REPS1: variants seen among roughly 807,000 people sequenced by gnomAD.
REPS1 encodes RALBP1 associated Eps domain containing 1.
In REPS1, 39 loss-of-function variants were observed where a neutral mutation model predicts 100.9. The observed-to-expected ratio is 0.39, with a 90% CI of 0.30 to 0.50. REPS1 has a LOEUF of 0.50. Among genes scored for constraint, REPS1 ranks in the 20% least tolerant of loss-of-function variants. The pLI is 0.86. For missense variants in REPS1, 821 were observed against 968.5 expected (o/e 0.85, Z 2.02); for synonymous variants, 324 against 340.3 (o/e 0.95, Z 0.53).
intron 17 of REPS1, among the ~76,000 whole-genome samples, chr6:138,910,139 C>T (rs1422274905): frequency 6.6e-6 from 1 of 152,082 alleles, no homozygotes; most frequent in African/African-American, 2.4e-5. Flanking sequence ...TGGCTTGGTG[C>T]CCTTCTCACA....
At chr6:138,951,381 T>G (rs1031990948) in intron 1 of REPS1, among the ~76,000 whole-genome samples, 1 of 152,134 alleles carries the variant, frequency 6.6e-6, no homozygotes, top group African/African-American at 2.4e-5. Context: ...CAATAAGATA[T>G]AAGAGATTAA....
chr6:138,912,554 T>G, intron 16 of REPS1: 1 of 571,624 alleles, frequency 1.7e-6, no homozygotes, highest in Admixed American at 3.1e-5. Context: ...TCTTTGCATG[T>G]GATATCAATC....
At chr6:138,952,421 C>T (rs926863749) in intron 1 of REPS1, among the ~76,000 whole-genome samples, 4 of 150,238 alleles carry the variant, frequency 2.7e-5, no homozygotes, top group East Asian at 2.0e-4. Flanking sequence ...TCCTCTGAGA[C>T]AGAGTCCTGC....
At chr6:138,979,187 AAAAAAAAAAAC>A (rs892997408) in intron 1 of REPS1, among the ~76,000 whole-genome samples, 6 of 147,664 alleles carry the variant, frequency 4.1e-5, no homozygotes, top group Non-Finnish European at 7.4e-5. Flanking sequence ...TCACAAAAAA[AAAAAAAAAAAC>A]AAAAAAAAAA....
intron 8 of REPS1, among the ~76,000 whole-genome samples, chr6:138,935,298 T>A (rs1273644620): frequency 2.0e-5 from 3 of 152,216 alleles, no homozygotes; most frequent in Non-Finnish European, 2.9e-5. Context: ...CTTATTAAAC[T>A]GAACTTGCTG....
rs1331241378 is a variant in REPS1 at position 138,921,984 on chromosome 6, T to G, written c.1339-860A>C. Among the ~76,000 whole-genome samples the G allele has an allele frequency of 2.4e-5, 3 of 127,370 alleles. No individual in the cohort carries two copies. In the East Asian group the frequency reaches 9.2e-4, roughly 39 times the overall value. The allele number at this position is 127,370 out of a possible 152,430, so 83.6% of individuals were successfully genotyped here. On this transcript the variant is annotated intron_variant, in intron 10 of 19. Transcript: ENST00000450536. ...TAGACCACATCTCAAAAAGTGTGTGTGTGTGTGTGTGTGTGTGTGTGAGAT... is the reference window on the plus strand; with the variant it reads ...TAGACCACATCTCAAAAAGTGTGTGGGTGTGTGTGTGTGTGTGTGTGAGAT...
intron 1 of REPS1, among the ~76,000 whole-genome samples, chr6:138,962,594 T>C (rs997229419): frequency 2.0e-5 from 3 of 152,130 alleles, no homozygotes; most frequent in African/African-American, 7.2e-5. Flanking sequence ...AATACAAGAA[T>C]TCTAAAATAC....
chr6:138,936,984 G>C (rs1781890037), intron 8 of REPS1, among the ~76,000 whole-genome samples: 1 of 152,154 alleles, frequency 6.6e-6, no homozygotes, highest in East Asian at 1.9e-4. Flanking sequence ...ATTTACAAAA[G>C]AAAGAGGTTT....
At chr6:138,941,679 A>G (rs77839337) in intron 7 of REPS1, among the ~76,000 whole-genome samples, 190 bp from the exon 8 acceptor site, 205 of 152,346 alleles carry the variant, frequency 1.3e-3, no homozygotes, top group African/African-American at 4.6e-3. Context: ...AGGTGGTAGT[A>G]TATGAATGCT....
chr6:138,967,211 GC>G (rs1429485492), intron 1 of REPS1, among the ~76,000 whole-genome samples: 14 of 152,162 alleles, frequency 9.2e-5, no homozygotes, highest in Non-Finnish European at 1.6e-4. Context: ...GGACTTCCCA[GC>G]CCCCAGAACT....
intron 1 of REPS1, among the ~76,000 whole-genome samples, chr6:138,962,854 G>T (rs1582833041): frequency 4.6e-5 from 7 of 152,266 alleles, no homozygotes; most frequent in South Asian, 2.1e-4. Flanking sequence ...ATATATATTT[G>T]TTGGTTGGAT....
chr6:138,969,289 T>C (rs1165731412), intron 1 of REPS1, among the ~76,000 whole-genome samples: 1 of 134,368 alleles, frequency 7.4e-6, no homozygotes. Context: ...TTTTTTTTTT[T>C]TTTTTTTTGA....
intron 10 of REPS1, among the ~76,000 whole-genome samples, chr6:138,922,052 A>G (rs978449350): frequency 6.6e-6 from 1 of 152,068 alleles, no homozygotes; most frequent in Non-Finnish European, 1.5e-5. Context: ...GTTCAAGACA[A>G]TATTAAAAAG....
At chr6:138,916,319 C>T (rs544088192) in intron 13 of REPS1, 1 of 218,990 alleles carries the variant, frequency 4.6e-6, no homozygotes, top group South Asian at 5.8e-5. Context: ...CTCCTGGGTT[C>T]AAGCGATTCT....
At chr6:138,914,610 C>A in intron 15 of REPS1, 87 bp downstream of exon 15, 1 of 1,055,028 alleles carries the variant, frequency 9.5e-7, no homozygotes. Flanking sequence ...TCATTCCTGA[C>A]CTTCCAAATA....
chr6:138,979,775 GA>G (rs1352950481), intron 1 of REPS1, among the ~76,000 whole-genome samples: 2 of 152,182 alleles, frequency 1.3e-5, no homozygotes, highest in Non-Finnish European at 2.9e-5. Context: ...ACCCAACTTA[GA>G]AATGTTCAGC....
intron 18 of REPS1, among the ~76,000 whole-genome samples, chr6:138,908,164 CAG>C (rs1331574088): frequency 2.0e-5 from 3 of 152,014 alleles, no homozygotes; most frequent in Non-Finnish European, 2.9e-5. Flanking sequence ...GGTTTGAAAA[CAG>C]GGTGTTAAAA....
intron 1 of REPS1, among the ~76,000 whole-genome samples, chr6:138,967,057 T>C (rs1206280317): frequency 2.0e-5 from 3 of 152,222 alleles, no homozygotes; most frequent in Non-Finnish European, 4.4e-5. Context: ...AATAGATTAA[T>C]GTAATTTATC....
intron 1 of REPS1, among the ~76,000 whole-genome samples, chr6:138,975,492 T>C (rs917987873): frequency 6.6e-6 from 1 of 152,180 alleles, no homozygotes; most frequent in Non-Finnish European, 1.5e-5. Flanking sequence ...TTCCACAAAT[T>C]CTGTGTTTTC....
Sources: allele counts gnomAD v4.1 joint callset (sites outside exome capture counted in the v4.1 genomes callset), GRCh38; gene constraint gnomAD v4.1.1; transcripts MANE v1.5; gene names NCBI Gene and HGNC (gene_info 2026-07-23, HGNC 2026-07-21).